EGFR: variants seen among roughly 807,000 people sequenced by gnomAD.
EGFR encodes the protein avian erythroblastic leukemia viral (v-erb-b) oncogene homolog.
A neutral mutation model predicts 143.0 loss-of-function variants in EGFR; 58 were observed. The observed-to-expected ratio is 0.41, with a 90% CI of 0.33 to 0.50. The LOEUF is 0.50. EGFR is among the 20% of genes least tolerant of loss of function. The pLI is 0.39. For synonymous variants in EGFR, 613 were observed against 594.4 expected, an observed-to-expected ratio of 1.03 and a Z score of -0.45; for missense variants, 1,307 against 1,579.0, an observed-to-expected ratio of 0.83 and a Z score of 2.92.
At chr7:55,095,293 CCTTTT>C (rs1791391143) in intron 1 of EGFR, among the ~76,000 whole-genome samples, 2 of 152,228 alleles carry the variant, frequency 1.3e-5, no homozygotes, top group Non-Finnish European at 2.9e-5. Flanking sequence ...AACTCAGCAT[CCTTTT>C]CTGTACAGTG....
intron 1 of EGFR, among the ~76,000 whole-genome samples, chr7:55,053,046 T>G (rs1037668648): frequency 6.6e-6 from 1 of 152,150 alleles, no homozygotes; most frequent in Admixed American, 6.5e-5. Flanking sequence ...ATAGCACCCT[T>G]CAAATGTTTT....
At chr7:55,042,933 T>C (rs1397064304) in intron 1 of EGFR, among the ~76,000 whole-genome samples, 3 of 152,150 alleles carry the variant, frequency 2.0e-5, no homozygotes, top group African/African-American at 7.2e-5. Context: ...GACTCTCACG[T>C]CTAGATGTGT....
chr7:55,072,131 C>A (rs1789869702), intron 1 of EGFR, among the ~76,000 whole-genome samples: 1 of 150,334 alleles, frequency 6.7e-6, no homozygotes, highest in South Asian at 2.1e-4. Context: ...ATGTGACCTG[C>A]AGGGAAGTAA....
chr7:55,075,846 T>C (rs975100667), intron 1 of EGFR, among the ~76,000 whole-genome samples: 1 of 152,118 alleles, frequency 6.6e-6, no homozygotes, highest in Non-Finnish European at 1.5e-5. Context: ...AAATCAGAAT[T>C]TGCTGAGCTA....
intron 15 of EGFR, chr7:55,170,870 G>A: frequency 1.4e-6 from 2 of 1,411,468 alleles, no homozygotes; most frequent in Non-Finnish European, 1.8e-6. Flanking sequence ...AGCCAGCTGT[G>A]GGACAATTAT....
At chr7:55,203,510 C>G (rs560862544) in intron 27 of EGFR, among the ~76,000 whole-genome samples, 2 of 149,032 alleles carry the variant, frequency 1.3e-5, no homozygotes, top group African/African-American at 5.0e-5. Context: ...ATACACTACA[C>G]ACACCATTAC....
chr7:55,170,476 G>A (rs1562781369), intron 15 of EGFR: 1 of 1,614,054 alleles, frequency 6.2e-7, no homozygotes, highest in Non-Finnish European at 8.5e-7. Context: ...GCTGGGTTGG[G>A]GTGGATGCAG....
At chr7:55,032,565 C>T (rs1450031239) in intron 1 of EGFR, among the ~76,000 whole-genome samples, 3 of 152,198 alleles carry the variant, frequency 2.0e-5, no homozygotes, top group Non-Finnish European at 4.4e-5. Flanking sequence ...CAGTTTGACA[C>T]ATCTGACTCC....
intron 15 of EGFR, among the ~76,000 whole-genome samples, chr7:55,165,760 A>G (rs1785947793): frequency 1.3e-5 from 2 of 152,216 alleles, no homozygotes; most frequent in Admixed American, 6.5e-5. Context: ...GTTTCTCTCC[A>G]GATTTCTAAG....
At chr7:55,187,780 C>T (rs1787206547) in intron 20 of EGFR, among the ~76,000 whole-genome samples, 1 of 152,216 alleles carries the variant, frequency 6.6e-6, no homozygotes, top group Non-Finnish European at 1.5e-5. Flanking sequence ...TGAACCCCAT[C>T]CCTTACCTCT....
chr7:55,130,312 A>C (rs1292422660), intron 1 of EGFR, among the ~76,000 whole-genome samples: 1 of 152,214 alleles, frequency 6.6e-6, no homozygotes, highest in Non-Finnish European at 1.5e-5. Context: ...GGGATAATAT[A>C]TTCTAGAAAC....
chr7:55,052,640 C>A (rs1428003501), intron 1 of EGFR, among the ~76,000 whole-genome samples: 1 of 152,190 alleles, frequency 6.6e-6, no homozygotes, highest in Non-Finnish European at 1.5e-5. Context: ...GGAAGGGATG[C>A]AGCCAGGTAG....
rs1477025000 is a variant in EGFR, at chr7:55,165,344, C to T, written c.1787C>T (p.Pro596Leu). 10 of 1,614,050 alleles carry T rather than the reference C, an allele frequency of 6.2e-6. No homozygotes were observed. Among genetic ancestry groups the T allele is most frequent in the African/African-American group, 2.7e-5 (2 of 74,916 alleles). Reference protein sequence around the residue: ...IDGPHCVKTCPAGVMGENNTL... With the variant: ...IDGPHCVKTCLAGVMGENNTL... The stretch of plus-strand genomic sequence containing the variant: ...GGCCCCCACTGCGTCAAGACCTGCC[C>T]GGCAGGAGTCATGGGAGAAAACAAC... The change falls in exon 15 of 28, where the codon CCG becomes CTG. Residue 596 changes from proline to leucine, a missense_variant. Physicochemically the swap from Pro to Leu is moderately conservative, Grantham distance 98 (BLOSUM62 -3). Around this residue, in one of 7 missense-constraint regions of EGFR, gnomAD observed 250 missense variants for 295.1 expected, o/e 0.85. Transcript: ENST00000275493.
At chr7:55,194,115 A>G (rs1465122479) in intron 22 of EGFR, among the ~76,000 whole-genome samples, 1 of 152,134 alleles carries the variant, frequency 6.6e-6, no homozygotes, top group East Asian at 1.9e-4. Flanking sequence ...TTTGTCCTCA[A>G]GCAGCCCGCC....
chr7:55,092,831 C>T (rs1220393492), intron 1 of EGFR, among the ~76,000 whole-genome samples: 2 of 152,230 alleles, frequency 1.3e-5, no homozygotes, highest in East Asian at 1.9e-4. Context: ...TCCAGCAATT[C>T]GCAGATAACA....
intron 1 of EGFR, 29 bp downstream of exon 1, chr7:55,019,394 C>G (rs764682926): frequency 7.3e-7 from 1 of 1,367,314 alleles, no homozygotes; most frequent in Non-Finnish European, 9.6e-7. Flanking sequence ...GGCTCCCGCG[C>G]CGCCCCCGGA....
intron 1 of EGFR, among the ~76,000 whole-genome samples, chr7:55,031,445 C>G (rs1242471887): frequency 1.3e-5 from 2 of 152,176 alleles, no homozygotes; most frequent in East Asian, 3.8e-4. Context: ...GGTGAGTTGC[C>G]TACTTTTTCA....
At chr7:55,181,637 T>A in intron 20 of EGFR, 159 bp downstream of exon 20, 1 of 867,292 alleles carries the variant, frequency 1.2e-6, no homozygotes, top group Admixed American at 2.1e-5. Context: ...CAAGTTGATC[T>A]TCTTGTGCAC....
chr7:55,161,442 C>T (rs1261822946), intron 12 of EGFR, 57 bp from the exon 13 acceptor site: 17 of 1,580,680 alleles, frequency 1.1e-5, no homozygotes, highest in Middle Eastern at 2.1e-4. Flanking sequence ...CCGTCTCCTC[C>T]GGCCCCTCGG....
Sources: allele counts gnomAD v4.1 joint callset (sites outside exome capture counted in the v4.1 genomes callset), GRCh38; gene constraint gnomAD v4.1.1; regional missense constraint gnomAD v4.1.1; transcripts MANE v1.5; gene names NCBI Gene and HGNC (gene_info 2026-07-23, HGNC 2026-07-21).